Variants in RNF220 observed in about 807,000 individuals in gnomAD.
RNF220 encodes E3 ubiquitin-protein ligase RNF220.
Under a neutral mutation model 67.1 loss-of-function variants are expected in RNF220, and 7 were observed. The ratio of observed to expected loss-of-function variants is 0.10; its 90% CI spans 0.06 to 0.20. The LOEUF (loss-of-function observed/expected upper bound fraction) is 0.20, where lower values mean the gene tolerates loss of function less well. Ranked by LOEUF, RNF220 falls within the 10% of genes least tolerant of loss-of-function variation. RNF220 has a pLI of 1.00. For missense variants in RNF220, 565 were observed against 740.3 expected, an observed-to-expected ratio of 0.76 and a Z score of 2.75; for synonymous variants, 270 against 283.2, an observed-to-expected ratio of 0.95 and a Z score of 0.47.
At chr1:44,438,614 A>C (rs1224753428) in intron 2 of RNF220, among the ~76,000 whole-genome samples, 1 of 152,214 alleles carries the variant, frequency 6.6e-6, no homozygotes, top group Non-Finnish European at 1.5e-5. Context: ...TTACAGCTAC[A>C]TCAGCCAGGG....
intron 2 of RNF220, among the ~76,000 whole-genome samples, chr1:44,532,008 C>A (rs1314444205): frequency 6.6e-6 from 1 of 152,132 alleles, no homozygotes; most frequent in Non-Finnish European, 1.5e-5. Flanking sequence ...TCTCACTCCC[C>A]CTTCTACTGT....
chr1:44,496,423 A>G lies in RNF220; in HGVS notation c.625+83701A>G, dbSNP rs558788934. Among the ~76,000 whole-genome samples the G allele has an allele frequency of 3.9e-5, 6 of 152,340 alleles. No individual in the cohort carries two copies. In the South Asian group the frequency reaches 1.0e-3, roughly 26 times the overall value. On this transcript the variant is annotated intron_variant, in intron 2 of 14. Transcript: ENST00000361799. ...AGGCATGAGAATGAATGAATTCATG[A>G]ATGAATGAAATGCAAAGCCCTGCTC...
At chr1:44,512,796 C>T (rs1014823273) in intron 2 of RNF220, among the ~76,000 whole-genome samples, 1 of 152,072 alleles carries the variant, frequency 6.6e-6, no homozygotes, top group Non-Finnish European at 1.5e-5. Context: ...GGTGTAACTA[C>T]GGTGGAAGAA....
intron 2 of RNF220, chr1:44,572,929 C>T (rs1664547159): frequency 1.1e-5 from 4 of 356,780 alleles, no homozygotes; most frequent in Admixed American, 9.7e-5. Flanking sequence ...AAAGATCCTC[C>T]AGGTGGAAAT....
intron 2 of RNF220, among the ~76,000 whole-genome samples, chr1:44,601,385 G>A (rs925557312): frequency 6.6e-6 from 1 of 152,158 alleles, no homozygotes; most frequent in African/African-American, 2.4e-5. Context: ...GAGAGAGCTG[G>A]GTTGTTGATG....
intron 2 of RNF220, among the ~76,000 whole-genome samples, chr1:44,485,090 C>T (rs925003965): frequency 3.9e-5 from 6 of 152,180 alleles, no homozygotes; most frequent in Non-Finnish European, 7.3e-5. Flanking sequence ...GAGCTGAGAT[C>T]GTGCCACTGC....
intron 2 of RNF220, among the ~76,000 whole-genome samples, chr1:44,451,904 C>CCACCGCG (rs1652727125): frequency 6.6e-6 from 1 of 152,226 alleles, no homozygotes; most frequent in South Asian, 2.1e-4. Flanking sequence ...CAGGCGTGAG[C>CCACCGCG]CACCGCGCCC....
At chr1:44,497,309 C>T (rs530960208) in intron 2 of RNF220, among the ~76,000 whole-genome samples, 6 of 149,282 alleles carry the variant, frequency 4.0e-5, no homozygotes, top group Admixed American at 6.8e-5. Flanking sequence ...GTTCTTGGCA[C>T]GTATCTATAT....
At chr1:44,586,504 G>A (rs929514585) in intron 2 of RNF220, among the ~76,000 whole-genome samples, 2 of 152,074 alleles carry the variant, frequency 1.3e-5, no homozygotes, top group African/African-American at 4.8e-5. Context: ...CAGCTCCAGG[G>A]ACCCAGGGAG....
intron 2 of RNF220, among the ~76,000 whole-genome samples, chr1:44,469,492 T>C (rs759956317): frequency 1.4e-4 from 21 of 152,206 alleles, no homozygotes; most frequent in Non-Finnish European, 2.5e-4. Flanking sequence ...TCCCCCCTAA[T>C]ACATTTCCTC....
chr1:44,466,966 G>T (rs986658995), intron 2 of RNF220, among the ~76,000 whole-genome samples: 2 of 152,190 alleles, frequency 1.3e-5, no homozygotes, highest in African/African-American at 4.8e-5. Flanking sequence ...AAAGCTTTGA[G>T]GCATTGGCTT....
chr1:44,573,171 T>C (rs939477725), intron 2 of RNF220, among the ~76,000 whole-genome samples: 2 of 152,086 alleles, frequency 1.3e-5, no homozygotes, highest in African/African-American at 2.4e-5. Flanking sequence ...CCCTAAAACG[T>C]CCCAGGCGAT....
chr1:44,572,635 C>G (rs1664522230), intron 2 of RNF220, among the ~76,000 whole-genome samples: 1 of 151,982 alleles, frequency 6.6e-6, no homozygotes, highest in Non-Finnish European at 1.5e-5. Context: ...CTGCTGGCCT[C>G]TGCAGCAGCA....
chr1:44,638,046 G>C (rs373810166), intron 8 of RNF220, among the ~76,000 whole-genome samples: 7 of 152,190 alleles, frequency 4.6e-5, no homozygotes, highest in African/African-American at 4.8e-5. Flanking sequence ...GCTCCTCAGT[G>C]GGGGGGCTAT....
chr1:44,590,304 G>A (rs1014485388), intron 2 of RNF220, among the ~76,000 whole-genome samples: 2 of 152,230 alleles, frequency 1.3e-5, no homozygotes, highest in Non-Finnish European at 2.9e-5. Context: ...GAAAGTCCGG[G>A]GAGGGGCTGA....
At chr1:44,590,597 C>A (rs1445030114) in intron 2 of RNF220, among the ~76,000 whole-genome samples, 1 of 152,188 alleles carries the variant, frequency 6.6e-6, no homozygotes, top group African/African-American at 2.4e-5. Flanking sequence ...AGAATGTTTG[C>A]CCCTGGCAGG....
chr1:44,639,472 T>C (rs549618555), intron 8 of RNF220, among the ~76,000 whole-genome samples: 2 of 152,320 alleles, frequency 1.3e-5, no homozygotes, highest in South Asian at 2.1e-4. Context: ...ATGGAGAAAT[T>C]TCCCAGGAAG....
At position 44,607,444 on chromosome 1, in the gene RNF220, C is replaced by T. The variant is rs373379959; in HGVS notation, c.626-6721C>T. Among the ~76,000 whole-genome samples the T allele has an allele frequency of 2.0e-5, 3 of 152,086 alleles. No homozygotes were observed. The East Asian group carries it at 5.8e-4, about 29-fold the overall frequency. On this transcript the variant is annotated intron_variant, in intron 2 of 14. Transcript: ENST00000361799. Reference sequence around the variant, plus strand: ...CCACATTGGACTCTTTCCAGTTCCTCACTTAGGCTCTTTCTCCTGTATACC... The same window carrying T: ...CCACATTGGACTCTTTCCAGTTCCTTACTTAGGCTCTTTCTCCTGTATACC...
intron 5 of RNF220, among the ~76,000 whole-genome samples, chr1:44,627,458 G>A (rs1394256472): frequency 6.6e-6 from 1 of 151,930 alleles, no homozygotes; most frequent in Non-Finnish European, 1.5e-5. Flanking sequence ...CTGCCTGTGA[G>A]TGTCTTGGGC....
Sources: gnomAD v4.1 joint callset for allele counts (sites outside exome capture counted in the v4.1 genomes callset) on GRCh38, gnomAD v4.1.1 for gene constraint, MANE v1.5 for transcripts, NCBI Gene and HGNC (gene_info 2026-07-23, HGNC 2026-07-21) for gene names.